Variants in VSTM2L observed in about 807,000 individuals in gnomAD.
VSTM2L encodes the protein V-set and transmembrane domain containing 2 like, also known as V-set and transmembrane domain-containing protein 2-like protein.
VSTM2L carries 9 observed loss-of-function variants against 19.9 expected under a neutral mutation model. The observed-to-expected ratio is 0.45, with a 90% CI of 0.27 to 0.79. The LOEUF is 0.79. Ranked by LOEUF, VSTM2L falls within the 30% of genes least tolerant of loss-of-function variation. The probability of loss-of-function intolerance (pLI) is 0.15; values close to 1 mark genes in which losing one functional copy is unlikely to be tolerated. For missense variants in VSTM2L, 286 were observed against 295.5 expected, an observed-to-expected ratio of 0.97 and a Z score of 0.24; for synonymous variants, 127 against 133.8, an observed-to-expected ratio of 0.95 and a Z score of 0.35.
chr20:37,903,298 G>T lies in VSTM2L; in HGVS notation c.-53G>T. The stretch of plus-strand genomic sequence containing the variant: ...AGGGGACAGCTGGCGCCGGTTCTGC[G>T]GTCTCCGGGGCCCAGATGTGAGGCG... On this transcript the variant is annotated 5_prime_UTR_variant, in exon 1 of 4. Transcript: ENST00000373461. The T allele has an allele frequency of 1.5e-6, 2 of 1,351,734 alleles. No individual in the cohort carries two copies. The highest frequency in any genetic ancestry group is 1.9e-6 in the Non-Finnish European group (2 of 1,057,772). The allele number at this position is 1,351,734 out of a possible 1,614,324, so 83.7% of individuals were successfully genotyped here. A position where few individuals can be genotyped will look rare whatever the true frequency, so the allele number is the denominator to read the frequency against.
chr20:37,943,005 C>T (rs2072981901), intron 3 of VSTM2L, among the ~76,000 whole-genome samples: 2 of 152,278 alleles, frequency 1.3e-5, no homozygotes, highest in East Asian at 1.9e-4. Context: ...CGCGCTGTCG[C>T]CCAGGCTGGA....
chr20:37,922,966 T>C (rs1452330046), intron 1 of VSTM2L, among the ~76,000 whole-genome samples: 3 of 151,570 alleles, frequency 2.0e-5, no homozygotes, highest in African/African-American at 7.3e-5. Flanking sequence ...GAAGCAACTT[T>C]AGCCATCTTT....
chr20:37,923,657 G>A (rs566508373), intron 1 of VSTM2L, among the ~76,000 whole-genome samples: 1 of 152,320 alleles, frequency 6.6e-6, no homozygotes, highest in Non-Finnish European at 1.5e-5. Context: ...CAGGGGCCGG[G>A]TAAGTCAAAG....
chr20:37,925,938 G>A (rs2072876882), intron 1 of VSTM2L, among the ~76,000 whole-genome samples: 1 of 152,190 alleles, frequency 6.6e-6, no homozygotes, highest in South Asian at 2.1e-4. Context: ...AGCCTTTCCC[G>A]ATTGCCTCCA....
chr20:37,922,268 C>G (rs570527732), intron 1 of VSTM2L, among the ~76,000 whole-genome samples: 29 of 152,302 alleles, frequency 1.9e-4, no homozygotes, highest in African/African-American at 7.0e-4. Context: ...CCATATTTGT[C>G]TTTCTGTGAC....
intron 1 of VSTM2L, among the ~76,000 whole-genome samples, chr20:37,927,937 G>A (rs1052188348): frequency 5.9e-5 from 9 of 152,294 alleles, no homozygotes; most frequent in East Asian, 1.9e-4. Flanking sequence ...GGCTGGGTCC[G>A]AGGGCTGGCT....
intron 1 of VSTM2L, among the ~76,000 whole-genome samples, chr20:37,915,553 C>T (rs949728833): frequency 2.6e-5 from 4 of 152,136 alleles, no homozygotes; most frequent in East Asian, 1.9e-4. Context: ...CGTGATGTCA[C>T]TGCAGCACCG....
At chr20:37,913,212 C>T (rs567498361) in intron 1 of VSTM2L, among the ~76,000 whole-genome samples, 102 of 152,318 alleles carry the variant, frequency 6.7e-4, no homozygotes, top group African/African-American at 2.3e-3. Flanking sequence ...TCACACTCCT[C>T]TTAAGAAGCT....
rs2073002597 is a variant in VSTM2L at position 37,945,281 on chromosome 20, G to T, written c.*1028G>T. 4.1e-6 allele frequency: 4 copies of T among 985,476 alleles called. No homozygotes were observed. The Admixed American group carries it at 1.8e-4, about 45-fold the overall frequency. 61.0% of individuals were successfully genotyped at this position (985,476 alleles called of 1,614,324 possible). ...GAGAGGCCGAGGGCTTTGCCTAGGG[G>T]TGGGTTGCCCTGTATACATGATCCA... On this transcript the variant is annotated 3_prime_UTR_variant, in exon 4 of 4. Coordinates refer to ENST00000373461, the MANE Select transcript of VSTM2L (RefSeq NM_080607.3).
chr20:37,910,566 C>G lies in VSTM2L; in HGVS notation c.121+7095C>G, dbSNP rs529318495. On this transcript the variant is annotated intron_variant, in intron 1 of 3. Coordinates refer to ENST00000373461, the MANE Select transcript of VSTM2L (RefSeq NM_080607.3). ...GAAGAAGACAGCTAAGGTTCTTGCT[C>G]TCTTAGAGTTCTCAGTCTAGTAGGG... 1.1e-3 allele frequency among the ~76,000 whole-genome samples: 166 copies of G among 152,330 alleles called. 1 individual carries two copies. Among genetic ancestry groups the G allele is most frequent in the African/African-American group, 3.7e-3 (154 of 41,566 alleles).
intron 1 of VSTM2L, among the ~76,000 whole-genome samples, chr20:37,917,352 A>C (rs1418682548): frequency 1.3e-5 from 2 of 152,120 alleles, no homozygotes; most frequent in East Asian, 1.9e-4. Flanking sequence ...AATGTTAGCT[A>C]TTTAAATTTT....
intron 1 of VSTM2L, among the ~76,000 whole-genome samples, chr20:37,909,697 C>A (rs2072769131): frequency 6.6e-6 from 1 of 152,170 alleles, no homozygotes; most frequent in Non-Finnish European, 1.5e-5. Flanking sequence ...AGTGGGTGGG[C>A]CCAGGCTCTG....
intron 1 of VSTM2L, among the ~76,000 whole-genome samples, chr20:37,910,060 A>AC (rs2072771417): frequency 6.6e-6 from 1 of 150,928 alleles, no homozygotes; most frequent in East Asian, 1.9e-4. Flanking sequence ...CCTCTTCAAA[A>AC]CCCCCCAGGG....
At chr20:37,931,395 C>G (rs950554679) in intron 1 of VSTM2L, among the ~76,000 whole-genome samples, 1 of 152,148 alleles carries the variant, frequency 6.6e-6, no homozygotes, top group Non-Finnish European at 1.5e-5. Context: ...AGGGCCGACA[C>G]CTACTCCCTC....
intron 1 of VSTM2L, among the ~76,000 whole-genome samples, chr20:37,925,875 G>T (rs1356248841): frequency 6.6e-6 from 1 of 152,104 alleles, no homozygotes. Context: ...CCTGCTCCCG[G>T]CTCTACTACC....
chr20:37,928,942 A>G (rs2072893696), intron 1 of VSTM2L, among the ~76,000 whole-genome samples: 1 of 152,216 alleles, frequency 6.6e-6, no homozygotes, highest in African/African-American at 2.4e-5. Context: ...AAAATTTAAA[A>G]TTCAGGTCCT....
At chr20:37,913,894 G>C (rs912214370) in intron 1 of VSTM2L, among the ~76,000 whole-genome samples, 2 of 152,250 alleles carry the variant, frequency 1.3e-5, no homozygotes, top group African/African-American at 4.8e-5. Context: ...TGGGGAGGGC[G>C]CACGGCCAGG....
At chr20:37,940,199 A>G (rs1462772804) in intron 3 of VSTM2L, among the ~76,000 whole-genome samples, 2 of 152,244 alleles carry the variant, frequency 1.3e-5, no homozygotes, top group Non-Finnish European at 2.9e-5. Flanking sequence ...TTGCAACAGC[A>G]TCTCCTAACT....
chr20:37,913,908 G>C (rs962627307), intron 1 of VSTM2L, among the ~76,000 whole-genome samples: 1 of 152,214 alleles, frequency 6.6e-6, no homozygotes, highest in Non-Finnish European at 1.5e-5. Flanking sequence ...GGCCAGGTTG[G>C]CGTCGGAGTG....
Sources: allele counts gnomAD v4.1 joint callset (sites outside exome capture counted in the v4.1 genomes callset), GRCh38; gene constraint gnomAD v4.1.1; transcripts MANE v1.5; gene names NCBI Gene and HGNC (gene_info 2026-07-23, HGNC 2026-07-21).